Variants in UNC13C observed in about 807,000 individuals in gnomAD.
UNC13C encodes the protein protein unc-13 homolog C.
A neutral mutation model predicts 245.4 loss-of-function variants in UNC13C; 174 were observed. The ratio of observed to expected loss-of-function variants is 0.71; its 90% CI spans 0.63 to 0.80. The LOEUF is 0.80. Among genes scored for constraint, UNC13C ranks in the 30% least tolerant of loss-of-function variants. The probability of loss-of-function intolerance (pLI) is 0.00; values close to 1 mark genes in which losing one functional copy is unlikely to be tolerated. For missense variants in UNC13C, 2,829 were observed against 2,602.9 expected (o/e 1.09, Z -1.89); for synonymous variants, 992 against 895.1 (o/e 1.11, Z -1.93).
At chr15:53,960,274 T>C in the UNC13C span, among the ~76,000 whole-genome samples, 1 of 152,070 alleles carries the variant, frequency 6.6e-6, no homozygotes, top group Non-Finnish European at 1.5e-5. Flanking sequence ...GTTGTGAGAC[T>C]GAGTATGACC....
intron 4 of UNC13C, among the ~76,000 whole-genome samples, chr15:54,170,176 C>T (rs944550018): frequency 1.3e-5 from 2 of 151,898 alleles, no homozygotes; most frequent in Non-Finnish European, 2.9e-5. Flanking sequence ...AAGCTTGTCT[C>T]TATTGTGATA....
intron 30 of UNC13C, chr15:54,611,395 A>T (rs1900084748): frequency 6.6e-6 from 1 of 152,216 alleles, no homozygotes; most frequent in African/African-American, 2.4e-5. Flanking sequence ...CTGGCTAAAA[A>T]AAAGGTCACT....
chr15:54,212,541 G>A (rs1375470729), intron 4 of UNC13C, among the ~76,000 whole-genome samples: 3 of 151,762 alleles, frequency 2.0e-5, no homozygotes, highest in Non-Finnish European at 2.9e-5. Context: ...ACACAATACC[G>A]TGCTCCTTGT....
chr15:54,413,899 G>T (rs2040465403), intron 18 of UNC13C, among the ~76,000 whole-genome samples: 1 of 152,102 alleles, frequency 6.6e-6, no homozygotes, highest in Non-Finnish European at 1.5e-5. Context: ...GTGCAAGTCT[G>T]TATATATATA....
At chr15:53,850,784 T>C in the UNC13C span, among the ~76,000 whole-genome samples, 4 of 152,040 alleles carry the variant, frequency 2.6e-5, no homozygotes, top group Non-Finnish European at 5.9e-5. Context: ...CTGTTCTCTC[T>C]TCTCTCTTAT....
At chr15:54,476,450 T>C (rs995777076) in intron 19 of UNC13C, among the ~76,000 whole-genome samples, 1 of 147,678 alleles carries the variant, frequency 6.8e-6, no homozygotes, top group Non-Finnish European at 1.5e-5. Flanking sequence ...AGGTCTAACG[T>C]TTAAGTCTTT....
chr15:54,569,388 G>A (rs1818706), intron 30 of UNC13C, among the ~76,000 whole-genome samples: 8,349 of 151,822 alleles, frequency 0.055, 362 homozygotes, highest in Admixed American at 0.13. Context: ...CATCTCTAGA[G>A]TATGTAGAAT....
the UNC13C span, among the ~76,000 whole-genome samples, chr15:53,917,883 T>C: frequency 6.6e-6 from 1 of 152,182 alleles, no homozygotes; most frequent in Non-Finnish European, 1.5e-5. Flanking sequence ...TTCCTAAATT[T>C]TTAGTAACTT....
chr15:54,157,554 T>G (rs1017249270), intron 4 of UNC13C, among the ~76,000 whole-genome samples: 1 of 152,168 alleles, frequency 6.6e-6, no homozygotes, highest in African/African-American at 2.4e-5. Context: ...GTTTTAGTGC[T>G]AGAACCAGGA....
At chr15:54,423,433 A>G (rs780976209) in intron 19 of UNC13C, among the ~76,000 whole-genome samples, 6 of 151,812 alleles carry the variant, frequency 4.0e-5, no homozygotes, top group Non-Finnish European at 8.8e-5. Context: ...CATATAGATA[A>G]TTTCCCCAGC....
At chr15:54,603,513 G>A (rs763874010) in intron 30 of UNC13C, among the ~76,000 whole-genome samples, 11 of 152,124 alleles carry the variant, frequency 7.2e-5, no homozygotes, top group South Asian at 2.1e-4. Context: ...TAATACTCCA[G>A]TGTGGATCTA....
intron 19 of UNC13C, among the ~76,000 whole-genome samples, chr15:54,473,913 T>A (rs2141047604): frequency 6.6e-6 from 1 of 151,898 alleles, no homozygotes; most frequent in East Asian, 1.9e-4. Flanking sequence ...TCTCTAATTA[T>A]CTATCATTCC....
intron 8 of UNC13C, among the ~76,000 whole-genome samples, chr15:54,255,345 C>G (rs2036252541): frequency 6.6e-6 from 1 of 152,080 alleles, no homozygotes; most frequent in African/African-American, 2.4e-5. Flanking sequence ...GATGGGGGAG[C>G]CAGAGGAAAT....
At chr15:53,994,875 G>A (rs17793787) in intron 1 of UNC13C, among the ~76,000 whole-genome samples, 15,488 of 152,044 alleles carry the variant, frequency 0.1, 859 homozygotes, top group East Asian at 0.19. Flanking sequence ...ACTGATGAGG[G>A]CCTGAACTAA....
At chr15:54,525,705 C>T (rs1021990000) in intron 25 of UNC13C, 68 bp downstream of exon 25, 72 of 1,304,488 alleles carry the variant, frequency 5.5e-5, no homozygotes, top group Non-Finnish European at 7.5e-5. Context: ...TTCTTGCCTT[C>T]AATGCTGTTT....
At position 54,101,588 on chromosome 15, in the gene UNC13C, C is replaced by CT. The variant is rs113696432; in HGVS notation, c.2984-41420dup. Among the ~76,000 whole-genome samples the CT allele has an allele frequency of 7.4e-4, 110 of 148,578 alleles. 2 individuals are homozygous for CT. The highest frequency in any genetic ancestry group is 3.8e-3 in the South Asian group (18 of 4,680). On this transcript the variant is annotated intron_variant, in intron 2 of 32. Coordinates refer to ENST00000260323, the MANE Select transcript of UNC13C (RefSeq NM_001080534.3). ...TTTGCTCCTCCTCATTATCCTCCCCCTTTTTTTTTTGACAAGGAATCTTGC... is the reference window on the plus strand; with the variant it reads ...TTTGCTCCTCCTCATTATCCTCCCCCTTTTTTTTTTTGACAAGGAATCTTGC...
chr15:53,907,389 A>C, the UNC13C span, among the ~76,000 whole-genome samples: 4 of 152,338 alleles, frequency 2.6e-5, no homozygotes, highest in East Asian at 7.7e-4. Flanking sequence ...TTTGAAATAA[A>C]TATTTTTAAT....
At chr15:54,112,622 G>T (rs548590245) in intron 2 of UNC13C, among the ~76,000 whole-genome samples, 4 of 152,000 alleles carry the variant, frequency 2.6e-5, no homozygotes, top group African/African-American at 9.7e-5. Flanking sequence ...ACATTCACTC[G>T]TGCAAGCTTC....
At chr15:53,968,194 A>G in the UNC13C span, 1 of 152,182 alleles carries the variant, frequency 6.6e-6, no homozygotes, top group African/African-American at 2.4e-5. Context: ...GATTATCAAA[A>G]GCATAATTTA....
Sources: gnomAD v4.1 joint callset for allele counts (sites outside exome capture counted in the v4.1 genomes callset) on GRCh38, gnomAD v4.1.1 for gene constraint, MANE v1.5 for transcripts, NCBI Gene and HGNC (gene_info 2026-07-23, HGNC 2026-07-21) for gene names.